Variants in NAALADL2 observed in about 807,000 individuals in gnomAD.
The protein encoded by NAALADL2 is N-acetylated alpha-linked acidic dipeptidase like 2.
Under a neutral mutation model 87.2 loss-of-function variants are expected in NAALADL2, and 76 were observed. That is an observed-to-expected ratio of 0.87 (90% CI 0.72 to 1.05). The LOEUF is 1.05. Among genes scored for constraint, NAALADL2 ranks in the 50% least tolerant of loss-of-function variants. The pLI, the probability that NAALADL2 is intolerant of heterozygous loss-of-function variation, is 0.00. For missense variants in NAALADL2, 1,089 were observed against 945.8 expected (o/e 1.15, Z -1.99); for synonymous variants, 354 against 331.0 (o/e 1.07, Z -0.75).
At chr3:175,427,662 A>T (rs1292293769) in intron 5 of NAALADL2, among the ~76,000 whole-genome samples, 1 of 152,168 alleles carries the variant, frequency 6.6e-6, no homozygotes, top group African/African-American at 2.4e-5. Flanking sequence ...TCAAATGTAA[A>T]TTTCATTCTC....
intron 4 of NAALADL2, among the ~76,000 whole-genome samples, chr3:175,295,938 T>C (rs1424672888): frequency 6.6e-6 from 1 of 152,034 alleles, no homozygotes; most frequent in Non-Finnish European, 1.5e-5. Context: ...CAGGCTAGTC[T>C]CACTTTTGTG....
intron 1 of NAALADL2, among the ~76,000 whole-genome samples, chr3:174,460,030 C>G (rs888160355): frequency 6.6e-6 from 1 of 152,104 alleles, no homozygotes; most frequent in Non-Finnish European, 1.5e-5. Context: ...GTCTTCTCTT[C>G]TTCAATACAT....
At chr3:174,891,990 G>A (rs114551486) in intron 1 of NAALADL2, among the ~76,000 whole-genome samples, 1,600 of 152,170 alleles carry the variant, frequency 0.011, 23 homozygotes, top group African/African-American at 0.037. Flanking sequence ...TCTCTACAAC[G>A]CTGCATGAAT....
chr3:175,650,578 T>G (rs990769931), intron 11 of NAALADL2, among the ~76,000 whole-genome samples: 1 of 152,178 alleles, frequency 6.6e-6, no homozygotes, highest in Non-Finnish European at 1.5e-5. Context: ...ACTATCAAAG[T>G]GAAATTCTTG....
intron 1 of NAALADL2, among the ~76,000 whole-genome samples, chr3:175,080,045 A>C (rs920926809): frequency 6.6e-6 from 1 of 151,546 alleles, no homozygotes; most frequent in Non-Finnish European, 1.5e-5. Context: ...GGCTCACTGC[A>C]AGCTCCGCCT....
intron 3 of NAALADL2, among the ~76,000 whole-genome samples, chr3:174,793,702 A>G (rs1209742446): frequency 6.6e-6 from 1 of 152,022 alleles, no homozygotes; most frequent in Non-Finnish European, 1.5e-5. Context: ...CTTATAATTT[A>G]TTTATTCCCG....
intron 1 of NAALADL2, among the ~76,000 whole-genome samples, chr3:174,995,797 A>C (rs1747362963): frequency 1.3e-5 from 2 of 152,228 alleles, no homozygotes; most frequent in East Asian, 3.9e-4. Context: ...AAAAAAAAAA[A>C]AAGATAGTGA....
chr3:175,458,190 G>C (rs1722607291), intron 6 of NAALADL2, among the ~76,000 whole-genome samples: 2 of 152,000 alleles, frequency 1.3e-5, no homozygotes, highest in Admixed American at 1.3e-4. Flanking sequence ...GTGGAGAATA[G>C]TGTCTAGAAA....
At chr3:174,656,941 A>G (rs1433309223) in intron 2 of NAALADL2, among the ~76,000 whole-genome samples, 1 of 151,296 alleles carries the variant, frequency 6.6e-6, no homozygotes, top group Non-Finnish European at 1.5e-5. Context: ...CTCAAACATC[A>G]TATGCTTTCA....
In NAALADL2 at chr3:175,804,502, A is replaced by C. The variant is rs931135172; in HGVS notation, c.*1299A>C. 1 of 151,808 alleles carries C rather than the reference A, an allele frequency of 6.6e-6. No individual in the cohort carries two copies. The highest frequency in any genetic ancestry group is 2.4e-5 in the African/African-American group (1 of 41,398). The allele number at this position is 151,808 out of a possible 1,614,324, so 9.4% of individuals were successfully genotyped here. A position where few individuals can be genotyped will look rare whatever the true frequency, so the allele number is the denominator to read the frequency against. On this transcript the variant is annotated 3_prime_UTR_variant, in exon 14 of 14. Coordinates refer to ENST00000454872, the MANE Select transcript of NAALADL2 (RefSeq NM_207015.3). ...CTATTAGGTGTCAGGTTAAAGTTCT[A>C]ATTTATCTTTAGAAATTTATGTGAA...
intron 1 of NAALADL2, among the ~76,000 whole-genome samples, chr3:174,875,628 T>C (rs79166951): frequency 0.019 from 2,946 of 152,120 alleles, 103 homozygotes; most frequent in African/African-American, 0.067. Flanking sequence ...TATTTGCTTT[T>C]CTCCAGAGAA....
intron 1 of NAALADL2, among the ~76,000 whole-genome samples, chr3:174,510,444 A>G (rs1193785078): frequency 6.6e-6 from 1 of 152,024 alleles, no homozygotes; most frequent in African/African-American, 2.4e-5. Flanking sequence ...TATTTGTATT[A>G]TCTATTTCAT....
chr3:175,787,905 A>T (rs1752283292), intron 13 of NAALADL2, among the ~76,000 whole-genome samples: 1 of 152,204 alleles, frequency 6.6e-6, no homozygotes, highest in Non-Finnish European at 1.5e-5. Context: ...TATTGAAGAA[A>T]TAAAACTTTA....
chr3:174,701,483 A>G (rs893725513), intron 2 of NAALADL2, among the ~76,000 whole-genome samples: 2 of 152,124 alleles, frequency 1.3e-5, no homozygotes, highest in African/African-American at 2.4e-5. Flanking sequence ...AATAAACTAC[A>G]CATATTTAAA....
At chr3:175,380,668 C>T (rs1767680182) in intron 5 of NAALADL2, among the ~76,000 whole-genome samples, 1 of 152,040 alleles carries the variant, frequency 6.6e-6, no homozygotes, top group Non-Finnish European at 1.5e-5. Flanking sequence ...GGCAGAAATG[C>T]AGAAATCATA....
At chr3:175,689,372 T>C (rs1024411732) in intron 11 of NAALADL2, among the ~76,000 whole-genome samples, 1 of 152,110 alleles carries the variant, frequency 6.6e-6, no homozygotes, top group Non-Finnish European at 1.5e-5. Context: ...AAAGTAGAGT[T>C]AAGATATATG....
intron 1 of NAALADL2, among the ~76,000 whole-genome samples, chr3:175,046,651 T>C (rs1754709734): frequency 6.6e-6 from 1 of 152,146 alleles, no homozygotes. Flanking sequence ...ACTGCCAAAT[T>C]CATCTTTTTA....
intron 3 of NAALADL2, among the ~76,000 whole-genome samples, chr3:174,807,888 T>TGTGTGTGTGA (rs575685742): frequency 2.2e-4 from 25 of 111,514 alleles, no homozygotes; most frequent in African/African-American, 6.5e-4. Flanking sequence ...TGTGTGTGTG[T>TGTGTGTGTGA]GAGAGAGAGA....
Position 174,570,153 on chromosome 3 carries a change from T to G in NAALADL2, c.-115+19516T>G, listed in dbSNP as rs773415160. On this transcript the variant is annotated intron_variant, in intron 2 of 3. Transcript: ENST00000434257. The stretch of plus-strand genomic sequence containing the variant: ...GTGTTGCACTGCTTGTTTTCATGTC[T>G]GAAAACAAGTTTTTTTGTATCTCTG... Among the ~76,000 whole-genome samples the G allele has an allele frequency of 4.4e-4, 67 of 152,274 alleles. 1 individual carries two copies. Among genetic ancestry groups the G allele is most frequent in the Non-Finnish European group, 1.3e-4 (9 of 68,002 alleles).
Sources: gnomAD v4.1 joint callset for allele counts (sites outside exome capture counted in the v4.1 genomes callset) on GRCh38, gnomAD v4.1.1 for gene constraint, MANE v1.5 for transcripts, NCBI Gene and HGNC (gene_info 2026-07-23, HGNC 2026-07-21) for gene names.